Variants in EML6 observed in about 807,000 individuals in gnomAD.
EML6 encodes the protein echinoderm microtubule-associated protein-like 6.
Under a neutral mutation model 240.1 loss-of-function variants are expected in EML6, and 154 were observed. The observed-to-expected ratio is 0.64, with a 90% CI of 0.56 to 0.73. The LOEUF is 0.73. EML6 is among the 30% of genes least tolerant of loss of function. The pLI, the probability that EML6 is intolerant of heterozygous loss-of-function variation, is 0.00. For synonymous variants in EML6, 1,148 were observed against 899.0 expected (o/e 1.28, Z -4.95); for missense variants, 2,964 against 2,474.6 (o/e 1.20, Z -4.20).
intron 16 of EML6, among the ~76,000 whole-genome samples, chr2:54,874,220 T>G (rs1671394042): frequency 6.6e-6 from 1 of 152,362 alleles, no homozygotes; most frequent in Admixed American, 6.5e-5. Flanking sequence ...TCATTTCAGA[T>G]AGCTAACATT....
At chr2:54,805,085 T>C (rs1029766609) in intron 2 of EML6, among the ~76,000 whole-genome samples, 5 of 152,196 alleles carry the variant, frequency 3.3e-5, no homozygotes, top group Non-Finnish European at 5.9e-5. Context: ...CACTGAATGC[T>C]CCAGAGTTCT....
intron 2 of EML6, among the ~76,000 whole-genome samples, chr2:54,803,486 G>A (rs1670291769): frequency 6.6e-6 from 1 of 152,056 alleles, no homozygotes; most frequent in South Asian, 2.1e-4. Flanking sequence ...GCAGCTCCAA[G>A]CCCCTTTTGT....
At chr2:54,873,039 T>C (rs1310389669) in intron 16 of EML6, among the ~76,000 whole-genome samples, 1 of 152,148 alleles carries the variant, frequency 6.6e-6, no homozygotes, top group African/African-American at 2.4e-5. Flanking sequence ...GCTGTGCAAA[T>C]AGAAGCTACT....
intron 2 of EML6, among the ~76,000 whole-genome samples, chr2:54,800,000 A>C (rs557119486): frequency 6.6e-6 from 1 of 152,160 alleles, no homozygotes; most frequent in Admixed American, 6.5e-5. Flanking sequence ...AATCTGAGCA[A>C]TTTGAGAGGC....
intron 2 of EML6, among the ~76,000 whole-genome samples, chr2:54,792,782 T>C (rs746284784): frequency 1.4e-4 from 21 of 152,206 alleles, no homozygotes; most frequent in Non-Finnish European, 2.8e-4. Flanking sequence ...GCTATAGAAA[T>C]ACGACATTGT....
chr2:54,962,490 G>C (rs1361598603), intron 35 of EML6, 33 bp from the exon 36 acceptor site: 1 of 1,490,006 alleles, frequency 6.7e-7, no homozygotes, highest in Admixed American at 2.1e-5. Flanking sequence ...TACAGTATTT[G>C]TCCTTTTTCT....
intron 2 of EML6, among the ~76,000 whole-genome samples, chr2:54,742,374 T>C (rs1459795145): frequency 6.6e-6 from 1 of 152,182 alleles, no homozygotes; most frequent in Non-Finnish European, 1.5e-5. Flanking sequence ...GAAAGTGCCT[T>C]CCAGGTCTCT....
chr2:54,806,230 C>A (rs559002747), intron 2 of EML6, among the ~76,000 whole-genome samples: 3 of 152,108 alleles, frequency 2.0e-5, no homozygotes, highest in African/African-American at 7.2e-5. Context: ...ATGGTTTTTA[C>A]CAGTTTAAAT....
chr2:54,724,001 C>G lies in EML6; in HGVS notation c.-514+224C>G, dbSNP rs1306847681. Among the ~76,000 whole-genome samples, 1 of 152,154 alleles carries G rather than the reference C, an allele frequency of 6.6e-6. No individual in the cohort carries two copies. Among genetic ancestry groups the G allele is most frequent in the Non-Finnish European group, 1.5e-5 (1 of 68,006 alleles). On this transcript the variant is annotated intron_variant, in intron 1 of 41. Coordinates refer to ENST00000356458, the MANE Select transcript of EML6 (RefSeq NM_001039753.4). This position sits in a 1 kb window ranked among gnomAD's most constrained non-coding sequence, Gnocchi z 5.2. ...TCCACGCTGGGCTCAGGGCAGGACC[C>G]GGGATTCCGTGGGACCCGGTGTTTA...
chr2:54,886,160 C>CTTTT (rs869107962), intron 17 of EML6, among the ~76,000 whole-genome samples: 323 of 82,218 alleles, frequency 3.9e-3, no homozygotes, highest in Middle Eastern at 0.016. Context: ...TTTTAACCTT[C>CTTTT]TTTTTTTTTT....
chr2:54,757,781 C>CT (rs1667805403), intron 2 of EML6, among the ~76,000 whole-genome samples: 1 of 152,086 alleles, frequency 6.6e-6, no homozygotes, highest in Non-Finnish European at 1.5e-5. Flanking sequence ...CTGGCTGCTT[C>CT]TTTCTGACTT....
chr2:54,917,949 A>G (rs1405379566), intron 26 of EML6, among the ~76,000 whole-genome samples: 1 of 152,208 alleles, frequency 6.6e-6, no homozygotes, highest in South Asian at 2.1e-4. Flanking sequence ...TGGGACTGCT[A>G]CCTTCTTGGT....
chr2:54,931,397 A>G (rs1674856887), intron 28 of EML6, among the ~76,000 whole-genome samples: 1 of 152,206 alleles, frequency 6.6e-6, no homozygotes, highest in African/African-American at 2.4e-5. Context: ...GTCCTCATCT[A>G]GGGTATAAAA....
chr2:54,777,323 T>G (rs1355616498), intron 2 of EML6, among the ~76,000 whole-genome samples: 2 of 152,222 alleles, frequency 1.3e-5, no homozygotes, highest in Admixed American at 6.5e-5. Context: ...GTAGTCCAGC[T>G]GCTCTGCAGG....
chr2:54,917,358 G>GTTTTTTTTTTTTTT (rs147785699), intron 26 of EML6, among the ~76,000 whole-genome samples: 1 of 123,820 alleles, frequency 8.1e-6, no homozygotes, highest in Non-Finnish European at 1.6e-5. Context: ...TTTTTTTTTT[G>GTTTTTTTTTTTTTT]TTTTTTTTTT....
chr2:54,758,707 C>A (rs1003630150), intron 2 of EML6, among the ~76,000 whole-genome samples: 3 of 152,048 alleles, frequency 2.0e-5, no homozygotes, highest in Non-Finnish European at 4.4e-5. Flanking sequence ...TAGTGCCTAC[C>A]AAAGTACCTG....
chr2:54,897,405 C>T (rs542894561), intron 21 of EML6, among the ~76,000 whole-genome samples: 27 of 152,298 alleles, frequency 1.8e-4, no homozygotes, highest in East Asian at 9.6e-4. Flanking sequence ...TACCGTTGTA[C>T]GACATTTGTC....
intron 38 of EML6, 142 bp downstream of exon 38, chr2:54,964,875 T>G (rs1676680294): frequency 2.9e-6 from 2 of 681,484 alleles, no homozygotes; most frequent in Non-Finnish European, 4.7e-6. Flanking sequence ...AGTTACTTTT[T>G]CCATATTTTA....
intron 2 of EML6, among the ~76,000 whole-genome samples, chr2:54,744,909 C>T (rs1290686919): frequency 6.3e-5 from 1 of 15,846 alleles, no homozygotes; most frequent in African/African-American, 3.8e-4. Flanking sequence ...CACACGTACA[C>T]ACACACACAC....
Sources: gnomAD v4.1 joint callset for allele counts (sites outside exome capture counted in the v4.1 genomes callset) on GRCh38, gnomAD v4.1.1 for gene constraint, Gnocchi (gnomAD v3.1) non-coding constraint, MANE v1.5 for transcripts, NCBI Gene and HGNC (gene_info 2026-07-23, HGNC 2026-07-21) for gene names.